Variants in FBXO34 observed in about 807,000 individuals in gnomAD.
The protein encoded by FBXO34 is F-box protein 34.
Under a neutral mutation model 24.5 loss-of-function variants are expected in FBXO34, and 12 were observed. That is an observed-to-expected ratio of 0.49 (90% confidence interval 0.31 to 0.79). FBXO34 has a LOEUF of 0.79. Ranked by LOEUF, FBXO34 falls within the 30% of genes least tolerant of loss-of-function variation. FBXO34 has a pLI of 0.04. For synonymous variants in FBXO34, 320 were observed against 311.9 expected, an observed-to-expected ratio of 1.03 and a Z score of -0.27; for missense variants, 823 against 857.7, an observed-to-expected ratio of 0.96 and a Z score of 0.51.
the FBXO34 span, among the ~76,000 whole-genome samples, chr14:55,431,815 C>T: frequency 3.6e-4 from 55 of 152,160 alleles, no homozygotes; most frequent in African/African-American, 1.2e-3. Flanking sequence ...AAATTCAGTC[C>T]CTCAGTTGTA....
intron 1 of FBXO34, among the ~76,000 whole-genome samples, chr14:55,318,529 G>GT (rs2140016887): frequency 9.6e-6 from 1 of 103,914 alleles, no homozygotes; most frequent in African/African-American, 3.4e-5. Context: ...TTTTTTTTTT[G>GT]TTTTTGTTTT....
At chr14:55,314,382 T>A (rs35112084) in intron 1 of FBXO34, among the ~76,000 whole-genome samples, 45,208 of 152,116 alleles carry the variant, frequency 0.3, 7,107 homozygotes, top group Non-Finnish European at 0.34. Context: ...GGGGGAAACC[T>A]AATGTGAGAT....
At chr14:55,424,620 T>A in the FBXO34 span, among the ~76,000 whole-genome samples, 1 of 152,242 alleles carries the variant, frequency 6.6e-6, no homozygotes, top group Non-Finnish European at 1.5e-5. Context: ...GGTTTCCAAA[T>A]TCTCCAATAA....
At chr14:55,278,662 A>G (rs1297681918) in intron 1 of FBXO34, among the ~76,000 whole-genome samples, 1 of 152,194 alleles carries the variant, frequency 6.6e-6, no homozygotes, top group Non-Finnish European at 1.5e-5. Context: ...ATGTAGTTAT[A>G]AAAGTATTTT....
At chr14:55,292,989 TCTC>T (rs1881992663) in intron 1 of FBXO34, among the ~76,000 whole-genome samples, 1 of 152,018 alleles carries the variant, frequency 6.6e-6, no homozygotes, top group Admixed American at 6.6e-5. Context: ...TTCAAGCAGT[TCTC>T]CTCCCTCAGC....
Position 55,361,140 on chromosome 14 carries a change from T to A in FBXO34, c.*589-593T>A, listed in dbSNP as rs1884588713. On this transcript the variant is annotated intron_variant and NMD_transcript_variant, in intron 3 of 3. Transcript: ENST00000555280. ...CAGAGGAATCACTATCCATAGCAGC[T>A]GTAGCGTTACAAAATGTATTTCTTA... Among the ~76,000 whole-genome samples, 2 of 152,252 alleles carry A rather than the reference T, an allele frequency of 1.3e-5. 1 individual carries two copies. The highest frequency in any genetic ancestry group is 4.1e-4 in the South Asian group (2 of 4,832).
intron 1 of FBXO34, among the ~76,000 whole-genome samples, chr14:55,336,609 G>C (rs996854414): frequency 6.6e-6 from 1 of 152,118 alleles, no homozygotes; most frequent in Non-Finnish European, 1.5e-5. Flanking sequence ...ATAGTAGTGA[G>C]AAACCCCCCA....
downstream of FBXO34, chr14:55,369,508 T>A: frequency 9.1e-7 from 1 of 1,103,842 alleles, no homozygotes; most frequent in Non-Finnish European, 1.2e-6. Context: ...AAACAACACT[T>A]TAACCTCTTT....
chr14:55,344,442 C>T (rs1017995783), intron 1 of FBXO34, among the ~76,000 whole-genome samples: 1 of 151,904 alleles, frequency 6.6e-6, no homozygotes, highest in Non-Finnish European at 1.5e-5. Context: ...CAACTGTCTT[C>T]TTCCTTTCCT....
At chr14:55,279,391 TA>T (rs1881457108) in intron 1 of FBXO34, among the ~76,000 whole-genome samples, 2 of 152,024 alleles carry the variant, frequency 1.3e-5, no homozygotes, top group South Asian at 4.1e-4. Flanking sequence ...GATCATGTGA[TA>T]GGAAAATAAA....
At chr14:55,283,347 T>C (rs1296934697) in intron 1 of FBXO34, among the ~76,000 whole-genome samples, 1 of 152,226 alleles carries the variant, frequency 6.6e-6, no homozygotes, top group Non-Finnish European at 1.5e-5. Flanking sequence ...CTATTTTATA[T>C]GCGAGGTAGT....
At chr14:55,325,552 C>T (rs545793301) in intron 1 of FBXO34, among the ~76,000 whole-genome samples, 57 of 151,900 alleles carry the variant, frequency 3.8e-4, no homozygotes, top group Admixed American at 5.2e-4. Flanking sequence ...CTCGGCTCAT[C>T]GCAACCTCCG....
the FBXO34 span, among the ~76,000 whole-genome samples, chr14:55,379,146 G>C: frequency 1.3e-5 from 2 of 152,210 alleles, no homozygotes; most frequent in Non-Finnish European, 2.9e-5. Flanking sequence ...TGTCACCAAT[G>C]TACCCTCCAG....
At chr14:55,341,013 A>G (rs903856069) in intron 1 of FBXO34, among the ~76,000 whole-genome samples, 2 of 152,214 alleles carry the variant, frequency 1.3e-5, no homozygotes, top group African/African-American at 4.8e-5. Context: ...CATGTTAAAG[A>G]AAAAACTGAT....
At chr14:55,408,979 A>G in the FBXO34 span, among the ~76,000 whole-genome samples, 1 of 152,204 alleles carries the variant, frequency 6.6e-6, no homozygotes, top group African/African-American at 2.4e-5. Context: ...GAAAGGTTTA[A>G]GCAAAACAGT....
chr14:55,313,362 A>C (rs572941990), intron 1 of FBXO34, among the ~76,000 whole-genome samples: 1 of 152,282 alleles, frequency 6.6e-6, no homozygotes, highest in South Asian at 2.1e-4. Context: ...CCATTCAGCA[A>C]GTTTCTAGGA....
At position 55,351,426 on chromosome 14, in the gene FBXO34, G is replaced by C. The variant is rs1419590294; in HGVS notation, c.1036G>C (p.Val346Leu). 1 of 1,614,222 alleles carries C rather than the reference G, an allele frequency of 6.2e-7. No individual in the cohort carries two copies. The highest frequency in any genetic ancestry group is 8.5e-7 in the Non-Finnish European group (1 of 1,180,026). Reference sequence around the variant, plus strand: ...CACTCAGGTGAATCCTGTGGGGTCTGTATCTGTGGATTGTGGCCCTTCAAG... The same window carrying C: ...CACTCAGGTGAATCCTGTGGGGTCTCTATCTGTGGATTGTGGCCCTTCAAG... Reference protein sequence around the residue: ...PDTQVNPVGSVSVDCGPSRAD... With the variant: ...PDTQVNPVGSLSVDCGPSRAD... The change falls in exon 2 of 2, where the codon GTA becomes CTA. Residue 346 changes from valine to leucine, a missense_variant. This residue lies in a region of FBXO34 where 693 missense variants were observed against 659.1 expected (regional missense o/e 1.05). Coordinates refer to ENST00000313833, the MANE Select transcript of FBXO34 (RefSeq NM_017943.4).
Position 55,290,621 on chromosome 14 carries a change from T to C in FBXO34, c.-11+19084T>C, listed in dbSNP as rs555874945. On this transcript the variant is annotated intron_variant, in intron 1 of 1. Coordinates refer to ENST00000313833, the MANE Select transcript of FBXO34 (RefSeq NM_017943.4). ...AGCCCATTCCGAGCAGCAGGGTGCA[T>C]GAAAGGGCAGAGGTTCTATGTTACC... Among the ~76,000 whole-genome samples, 2 of 152,202 alleles carry C rather than the reference T, an allele frequency of 1.3e-5. 1 individual carries two copies. Among genetic ancestry groups the C allele is most frequent in the African/African-American group, 4.8e-5 (2 of 41,526 alleles).
the FBXO34 span, chr14:55,385,951 ACTT>A: frequency 4.3e-6 from 7 of 1,613,978 alleles, no homozygotes; most frequent in South Asian, 2.2e-5. Flanking sequence ...GCTCATAATG[ACTT>A]CTTAAGTCAA....
Sources: allele counts gnomAD v4.1 joint callset (sites outside exome capture counted in the v4.1 genomes callset), GRCh38; gene constraint gnomAD v4.1.1; regional missense constraint gnomAD v4.1.1; transcripts MANE v1.5; gene names NCBI Gene and HGNC (gene_info 2026-07-23, HGNC 2026-07-21).